The following NARF variants were observed in gnomAD, a reference collection of about 807,000 sequenced individuals.
NARF encodes iron-only hydrogenase-like protein 2.
In NARF, 41 loss-of-function variants were observed where a neutral mutation model predicts 48.0. That is an observed-to-expected ratio of 0.85 (90% CI 0.66 to 1.11). The LOEUF is 1.11. Among genes scored for constraint, NARF ranks in the 50% least tolerant of loss-of-function variants. NARF has a pLI of 0.00. For synonymous variants in NARF, 215 were observed against 225.5 expected, an observed-to-expected ratio of 0.95 and a Z score of 0.42; for missense variants, 613 against 590.2, an observed-to-expected ratio of 1.04 and a Z score of -0.40.
intron 6 of NARF, 119 bp from the exon 7 acceptor site, chr17:82,480,963 A>G (rs940494082): frequency 2.7e-6 from 3 of 1,092,638 alleles, no homozygotes; most frequent in East Asian, 2.5e-5. Flanking sequence ...TGCAGCATGC[A>G]GTGTCTGGAG....
intron 2 of NARF, chr17:82,463,125 G>A (rs928451406): frequency 6.6e-6 from 1 of 152,182 alleles, no homozygotes; most frequent in African/African-American, 2.4e-5. Flanking sequence ...TTCGTAGCAC[G>A]CTGTGGAAGG....
In NARF at chr17:82,488,508, T is replaced by G. The variant is rs2044148032; in HGVS notation, c.*351T>G. On this transcript the variant is annotated 3_prime_UTR_variant, in exon 11 of 11. Transcript: ENST00000309794. The stretch of plus-strand genomic sequence containing the variant: ...CTCTTGCCCCAGCCTCCCGAGTAGC[T>G]GGGACTAACGCGCACACCACCATGC... 1 of 235,096 alleles carries G rather than the reference T, an allele frequency of 4.3e-6. No homozygotes were observed. The highest frequency in any genetic ancestry group is 5.8e-5 in the South Asian group (1 of 17,142). The allele number at this position is 235,096 out of a possible 1,614,324, so 14.6% of individuals were successfully genotyped here. A position where few individuals can be genotyped will look rare whatever the true frequency, so the allele number is the denominator to read the frequency against.
chr17:82,487,484 GAAA>G (rs762309924), intron 10 of NARF, among the ~76,000 whole-genome samples: 1 of 131,576 alleles, frequency 7.6e-6, no homozygotes. Context: ...ACTCTGTCTC[GAAA>G]AAAAAAAAAA....
At chr17:82,476,343 T>C (rs1284363622) in intron 5 of NARF, among the ~76,000 whole-genome samples, 2 of 152,062 alleles carry the variant, frequency 1.3e-5, no homozygotes, top group Non-Finnish European at 2.9e-5. Flanking sequence ...GGTTGCACCA[T>C]GTTGGCCAGG....
intron 3 of NARF, among the ~76,000 whole-genome samples, chr17:82,468,071 G>T (rs1291026366): frequency 6.6e-6 from 1 of 152,066 alleles, no homozygotes; most frequent in Admixed American, 6.6e-5. Flanking sequence ...CAGCACTTTG[G>T]GAGGCCGAGG....
At chr17:82,481,348 G>A in intron 7 of NARF, 137 bp downstream of exon 7, 1 of 1,331,632 alleles carries the variant, frequency 7.5e-7, no homozygotes, top group Non-Finnish European at 1.0e-6. Context: ...GTTACTGACA[G>A]CTGAGGGTCC....
At chr17:82,478,950 C>A in intron 6 of NARF, 32 bp downstream of exon 6, 1 of 1,594,894 alleles carries the variant, frequency 6.3e-7, no homozygotes. Context: ...GCAGGAAGGG[C>A]AGGTGAGGGA....
chr17:82,485,601 T>G lies in NARF; in HGVS notation c.1076T>G (p.Leu359Arg). 6.2e-7 allele frequency: 1 copy of G among 1,614,190 alleles called. No individual in the cohort carries two copies. The highest frequency in any genetic ancestry group is 8.5e-7 in the Non-Finnish European group (1 of 1,180,030). ...AACATCCAGAACATGATCCTGAAGC[T>G]TAAGAAGGGCAAGTTCCCATTCCAC... is the stretch of plus-strand genomic sequence containing the variant. The part of the protein sequence containing the change: ...FRNIQNMILK[L>R]KKGKFPFHFV... Residue 359 changes from leucine (L) to arginine (R), a missense_variant, in exon 10 of 11, where the codon CTT becomes CGT. By Grantham distance (102) the Leu-to-Arg change is moderately radical. Coordinates refer to ENST00000309794, the MANE Select transcript of NARF (RefSeq NM_012336.4).
chr17:82,482,494 T>TA (rs1297056093), intron 7 of NARF: 1 of 142,978 alleles, frequency 7.0e-6, no homozygotes, highest in African/African-American at 3.6e-5. Flanking sequence ...TATAGGAAAT[T>TA]ACGCTATTTT....
chr17:82,471,454 C>CAAAA (rs545400643), intron 4 of NARF, among the ~76,000 whole-genome samples: 1 of 99,582 alleles, frequency 1.0e-5, no homozygotes. Flanking sequence ...GACACTGTCT[C>CAAAA]AAAAAAAAAA....
chr17:82,478,614 A>G (rs1016803147), intron 5 of NARF, 186 bp from the exon 6 acceptor site: 15 of 680,278 alleles, frequency 2.2e-5, no homozygotes, highest in Middle Eastern at 2.3e-4. Flanking sequence ...GCAGGTTCCC[A>G]TGACCCACAG....
At position 82,484,371 on chromosome 17, in the gene NARF, T is replaced by C. The variant is rs141553871; in HGVS notation, c.834-442T>C. 159 of 159,258 alleles carry C rather than the reference T, an allele frequency of 1.0e-3. 4 individuals are homozygous for C. The East Asian group carries it at 0.026, about 26-fold the overall frequency. The allele number at this position is 159,258 out of a possible 1,614,324, so 9.9% of individuals were successfully genotyped here. On this transcript the variant is annotated intron_variant, in intron 8 of 10. Coordinates refer to ENST00000309794, the MANE Select transcript of NARF (RefSeq NM_012336.4). ...GAAGGTAAGATAGAAGTTTACAGAA[T>C]TTAAGCATCTGTGGGGCCAGGCGTG...
At position 82,460,035 on chromosome 17, in the gene NARF, C is replaced by G. The variant is rs2043395527; in HGVS notation, c.71C>G (p.Ser24Ter). ...KTKTDDQENV[S>*]ADAPSPAQEN... ...AAAACTGATGACCAAGAGAATGTGT[C>G]AGCCGATGCACCGAGTCCAGCCCAG... The change falls in exon 2 of 11, where the codon TCA becomes TGA. Residue 24 changes from serine to a stop codon, truncating the protein, a stop_gained. Transcript: ENST00000309794. LOFTEE classifies it high-confidence loss of function. 1 of 1,613,860 alleles carries G rather than the reference C, an allele frequency of 6.2e-7. No individual in the cohort carries two copies. The highest frequency in any genetic ancestry group is 1.7e-5 in the Admixed American group (1 of 59,996).
intron 5 of NARF, among the ~76,000 whole-genome samples, chr17:82,473,853 C>T (rs1390194106): frequency 6.6e-6 from 1 of 152,124 alleles, no homozygotes; most frequent in East Asian, 1.9e-4. Flanking sequence ...CCACCACACC[C>T]GTCCTCTAAT....
intron 7 of NARF, 90 bp downstream of exon 7, chr17:82,481,301 C>A: frequency 1.9e-6 from 3 of 1,562,416 alleles, no homozygotes; most frequent in Non-Finnish European, 1.7e-6. Context: ...TGTCCCAGAG[C>A]CATCTCAGTG....
At chr17:82,462,176 G>C (rs1284412159) in intron 2 of NARF, among the ~76,000 whole-genome samples, 3 of 152,256 alleles carry the variant, frequency 2.0e-5, no homozygotes, top group Non-Finnish European at 4.4e-5. Flanking sequence ...TGCCAGGTCA[G>C]TGATGGACAC....
At position 82,489,807 on chromosome 17, in the gene NARF, A is replaced by G. The variant is rs1027674098; in HGVS notation, c.*1650A>G. 11 of 151,850 alleles carry G rather than the reference A, an allele frequency of 7.2e-5. No homozygotes were observed. Among genetic ancestry groups the G allele is most frequent in the African/African-American group, 1.5e-4 (6 of 41,336 alleles). The allele number at this position is 151,850 out of a possible 1,614,324, so 9.4% of individuals were successfully genotyped here. Reference sequence around the variant, plus strand: ...ATTGCTGGAGTCCAGGAGTTTCTACATGGGAGACTCTGTCTCTACAAATTT... The same window carrying G: ...ATTGCTGGAGTCCAGGAGTTTCTACGTGGGAGACTCTGTCTCTACAAATTT... On this transcript the variant is annotated 3_prime_UTR_variant, in exon 11 of 11. Transcript: ENST00000309794.
intron 3 of NARF, among the ~76,000 whole-genome samples, chr17:82,465,910 G>A (rs1041231810): frequency 6.6e-6 from 1 of 152,220 alleles, no homozygotes; most frequent in South Asian, 2.1e-4. Flanking sequence ...TGTGTTGCCA[G>A]CATTAGTTGT....
At chr17:82,460,114 ACTG>A (rs749031041) in intron 2 of NARF, 42 bp downstream of exon 2, 1 of 1,538,750 alleles carries the variant, frequency 6.5e-7, no homozygotes, top group African/African-American at 1.4e-5. Flanking sequence ...AGAGTAAACT[ACTG>A]CTGCTGTTTT....
Sources: gnomAD v4.1 joint callset for allele counts (sites outside exome capture counted in the v4.1 genomes callset) on GRCh38, gnomAD v4.1.1 for gene constraint, MANE v1.5 for transcripts, NCBI Gene and HGNC (gene_info 2026-07-23, HGNC 2026-07-21) for gene names.